The following MACROD1 variants were observed in gnomAD, a reference collection of about 807,000 sequenced individuals.
MACROD1 encodes the protein mono-ADP ribosylhydrolase 1, also known as ADP-ribose glycohydrolase MACROD1.
A neutral mutation model predicts 41.4 loss-of-function variants in MACROD1; 31 were observed. The observed-to-expected ratio is 0.75, with a 90% CI of 0.56 to 1.01. The LOEUF is 1.01. MACROD1 is among the 50% of genes least tolerant of loss of function. The pLI, the probability that MACROD1 is intolerant of heterozygous loss-of-function variation, is 0.00. For synonymous variants in MACROD1, 252 were observed against 203.4 expected, an observed-to-expected ratio of 1.24 and a Z score of -2.03; for missense variants, 473 against 460.0, an observed-to-expected ratio of 1.03 and a Z score of -0.26.
At position 64,073,904 on chromosome 11, in the gene MACROD1, G is replaced by A. The variant is rs545888075; in HGVS notation, c.518-58623C>T. Among the ~76,000 whole-genome samples, 16 of 152,294 alleles carry A rather than the reference G, an allele frequency of 1.1e-4. 1 individual carries two copies. The highest frequency in any genetic ancestry group is 1.0e-3 in the Admixed American group (16 of 15,308). On this transcript the variant is annotated intron_variant, in intron 3 of 10. Coordinates refer to ENST00000255681, the MANE Select transcript of MACROD1 (RefSeq NM_014067.4). ...CCAGCCCAGCCACTTAGGGGCTCTG[G>A]GGTTGAAGGGTTGGTTGGGCTGAAG...
At chr11:64,008,088 G>C (rs941652620) in intron 4 of MACROD1, among the ~76,000 whole-genome samples, 1 of 152,240 alleles carries the variant, frequency 6.6e-6, no homozygotes, top group African/African-American at 2.4e-5. Flanking sequence ...GGCAGGAGTC[G>C]AGCGCTGAAT....
At chr11:64,149,176 G>A (rs1461787909) in intron 3 of MACROD1, 4 of 242,516 alleles carry the variant, frequency 1.6e-5, no homozygotes, top group South Asian at 1.5e-4. Context: ...CCAGAACGGC[G>A]CTGATGACAC....
intron 5 of MACROD1, 65 bp from the exon 6 acceptor site, chr11:63,999,828 C>A: frequency 6.5e-7 from 1 of 1,539,788 alleles, no homozygotes; most frequent in South Asian, 1.2e-5. Context: ...TCGCTTCCCC[C>A]TGCCGGCCTG....
chr11:64,018,186 C>T (rs1033507049), intron 3 of MACROD1, among the ~76,000 whole-genome samples: 24 of 152,110 alleles, frequency 1.6e-4, no homozygotes, highest in Non-Finnish European at 2.9e-4. Flanking sequence ...CTTGGATGCA[C>T]GGAGGACCTG....
At chr11:64,002,378 C>T (rs1413234808) in intron 4 of MACROD1, among the ~76,000 whole-genome samples, 2 of 152,190 alleles carry the variant, frequency 1.3e-5, no homozygotes, top group African/African-American at 4.8e-5. Context: ...TGGGGCTGAC[C>T]TGGGGGCGCA....
chr11:64,157,102 T>A lies in MACROD1; in HGVS notation c.299-4709A>T, dbSNP rs201216631. ...CCCACGCATTTCTGTGTTTTTTTTTTATTTTTTTGAGACAGAGTCTCACTC... is the reference window on the plus strand; with the variant it reads ...CCCACGCATTTCTGTGTTTTTTTTTAATTTTTTTGAGACAGAGTCTCACTC... On this transcript the variant is annotated intron_variant, in intron 1 of 10. Transcript: ENST00000255681. Among the ~76,000 whole-genome samples the A allele has an allele frequency of 3.9e-5, 6 of 152,056 alleles. 1 individual carries two copies. The highest frequency in any genetic ancestry group is 4.1e-4 in the South Asian group (2 of 4,832).
chr11:64,163,919 C>T (rs1229445457), intron 1 of MACROD1, among the ~76,000 whole-genome samples: 1 of 152,188 alleles, frequency 6.6e-6, no homozygotes, highest in East Asian at 1.9e-4. Flanking sequence ...CTCCTTGGGC[C>T]TGGCCCACTG....
chr11:64,039,334 G>T (rs1346745743), intron 3 of MACROD1, among the ~76,000 whole-genome samples: 2 of 152,150 alleles, frequency 1.3e-5, no homozygotes, highest in African/African-American at 4.8e-5. Context: ...AGAGGAGAGC[G>T]CCAGCCTCTG....
chr11:64,117,391 T>G, intron 3 of MACROD1: 1 of 1,612,116 alleles, frequency 6.2e-7, no homozygotes, highest in Non-Finnish European at 8.5e-7. Context: ...ACCAGCGAGA[T>G]GGACGAGTGT....
intron 3 of MACROD1, among the ~76,000 whole-genome samples, chr11:64,101,097 G>C (rs1944662699): frequency 6.6e-6 from 1 of 152,072 alleles, no homozygotes; most frequent in African/African-American, 2.4e-5. Context: ...TTGCTGTCAT[G>C]GTTCACAGGA....
chr11:64,042,918 C>T (rs1943516131), intron 3 of MACROD1, among the ~76,000 whole-genome samples: 1 of 152,224 alleles, frequency 6.6e-6, no homozygotes, highest in Admixed American at 6.5e-5. Context: ...CTTCTTCCCA[C>T]TGTGAGAGCA....
chr11:64,129,930 C>T (rs1423297043), intron 3 of MACROD1, among the ~76,000 whole-genome samples: 2 of 152,098 alleles, frequency 1.3e-5, no homozygotes, highest in Non-Finnish European at 2.9e-5. Flanking sequence ...TGAAGAGGAC[C>T]GGGTGGTTGG....
chr11:64,032,654 C>T lies in MACROD1; in HGVS notation c.518-17373G>A, dbSNP rs141772327. On this transcript the variant is annotated intron_variant, in intron 3 of 10. Coordinates refer to ENST00000255681, the MANE Select transcript of MACROD1 (RefSeq NM_014067.4). ...TGCCCTTGCGGCTGAGTGCATCCCC[C>T]ATGAGTGCCCAGCAGGGACTAGCTC... 1.5e-3 allele frequency among the ~76,000 whole-genome samples: 233 copies of T among 152,244 alleles called. 2 individuals are homozygous for T. The highest frequency in any genetic ancestry group is 5.3e-3 in the African/African-American group (220 of 41,530).
chr11:64,142,160 T>C (rs565108904), intron 3 of MACROD1, among the ~76,000 whole-genome samples: 1 of 152,288 alleles, frequency 6.6e-6, no homozygotes, highest in African/African-American at 2.4e-5. Flanking sequence ...AGAGGGGACT[T>C]AGAGGGTGTC....
At chr11:64,164,624 A>C (rs964436879) in intron 1 of MACROD1, among the ~76,000 whole-genome samples, 5 of 152,224 alleles carry the variant, frequency 3.3e-5, no homozygotes, top group Non-Finnish European at 2.9e-5. Context: ...GGCGCAGGCC[A>C]CACAATTCAT....
Position 64,165,863 on chromosome 11 carries a change from G to A in MACROD1, c.132C>T (p.Pro44=). Reference sequence around the variant, plus strand: ...GGCCGAACACGCCCAGGAACGCCGGGGGACCGCACGTGCTGCTGCGGGTCC... The same window carrying A: ...GGCCGAACACGCCCAGGAACGCCGGAGGACCGCACGTGCTGCTGCGGGTCC... ...ATRTRSSTCG[P]PAFLGVFGRR... Residue 44 remains proline (P), a synonymous_variant, in exon 1 of 11, where the codon CCC becomes CCT. Transcript: ENST00000255681. The A allele has an allele frequency of 1.4e-6, 2 of 1,449,554 alleles. No homozygotes were observed. The highest frequency in any genetic ancestry group is 1.4e-5 in the South Asian group (1 of 71,964). 89.8% of individuals were successfully genotyped at this position (1,449,554 alleles called of 1,614,324 possible).
chr11:64,139,927 GC>G (rs1945387767), intron 3 of MACROD1, among the ~76,000 whole-genome samples: 1 of 147,974 alleles, frequency 6.8e-6, no homozygotes, highest in African/African-American at 2.5e-5. Flanking sequence ...CTGCACTCTA[GC>G]CTGGGTGACA....
chr11:64,061,717 T>G (rs1229793924), intron 3 of MACROD1, among the ~76,000 whole-genome samples: 2 of 150,678 alleles, frequency 1.3e-5, no homozygotes, highest in Non-Finnish European at 2.9e-5. Context: ...TTTTTTTTTT[T>G]GAGATAGGGT....
intron 3 of MACROD1, among the ~76,000 whole-genome samples, chr11:64,039,110 T>C (rs1475345399): frequency 6.6e-6 from 1 of 152,048 alleles, no homozygotes; most frequent in Non-Finnish European, 1.5e-5. Flanking sequence ...GGCCATCCAC[T>C]CTGGTACCTG....
Sources: gnomAD v4.1 joint callset for allele counts (sites outside exome capture counted in the v4.1 genomes callset) on GRCh38, gnomAD v4.1.1 for gene constraint, MANE v1.5 for transcripts, NCBI Gene and HGNC (gene_info 2026-07-23, HGNC 2026-07-21) for gene names.